The following PPIL4 variants were observed in gnomAD, a reference collection of about 807,000 sequenced individuals.
PPIL4 encodes peptidyl-prolyl cis-trans isomerase-like 4.
PPIL4 carries 50 observed loss-of-function variants against 69.1 expected under a neutral mutation model. The observed-to-expected ratio is 0.72, with a 90% CI of 0.58 to 0.92. The LOEUF (loss-of-function observed/expected upper bound fraction) is 0.92. PPIL4 is among the 40% of genes least tolerant of loss of function. The probability of loss-of-function intolerance (pLI) is 0.00; values close to 1 mark genes in which losing one functional copy is unlikely to be tolerated. For missense variants in PPIL4, 480 were observed against 587.9 expected (o/e 0.82, Z 1.90); for synonymous variants, 193 against 191.6 (o/e 1.01, Z -0.06).
At chr6:149,531,628 T>C (rs1327704568) in intron 7 of PPIL4, among the ~76,000 whole-genome samples, 1 of 152,030 alleles carries the variant, frequency 6.6e-6, no homozygotes, top group Non-Finnish European at 1.5e-5. Flanking sequence ...TTATAAAAGA[T>C]ATTATTAGAA....
chr6:149,532,492 G>C (rs1583210633), intron 7 of PPIL4, among the ~76,000 whole-genome samples: 1 of 152,308 alleles, frequency 6.6e-6, no homozygotes, highest in African/African-American at 2.4e-5. Flanking sequence ...AATACTCTGA[G>C]ATACACAGTG....
intron 1 of PPIL4, among the ~76,000 whole-genome samples, chr6:149,544,242 G>T (rs1375852304): frequency 6.6e-6 from 1 of 152,148 alleles, no homozygotes; most frequent in Non-Finnish European, 1.5e-5. Context: ...AATTCCCTAT[G>T]ATATTCTTTG....
At chr6:149,518,427 T>C (rs1157499138) in intron 10 of PPIL4, among the ~76,000 whole-genome samples, 5 of 152,182 alleles carry the variant, frequency 3.3e-5, no homozygotes, top group Non-Finnish European at 5.9e-5. Flanking sequence ...AAAGGCTTCC[T>C]ACAGAAGGGT....
chr6:149,515,311 G>A lies in PPIL4; in HGVS notation c.1079+2043C>T, dbSNP rs553046181. Among the ~76,000 whole-genome samples, 11 of 149,936 alleles carry A rather than the reference G, an allele frequency of 7.3e-5. No homozygotes were observed. The South Asian group carries it at 8.3e-4, about 11-fold the overall frequency. ...CTATTTCTTAAATGATGGATCATACGAAAGAAGACAGCACTCCCATGAGCC... is the reference window on the plus strand; with the variant it reads ...CTATTTCTTAAATGATGGATCATACAAAAGAAGACAGCACTCCCATGAGCC... On this transcript the variant is annotated intron_variant, in intron 11 of 12. Transcript: ENST00000253329.
intron 4 of PPIL4, among the ~76,000 whole-genome samples, chr6:149,536,224 A>G (rs1777273240): frequency 1.3e-5 from 2 of 152,192 alleles, no homozygotes. Context: ...AGCCATTCCC[A>G]TCTTTCTCCC....
At chr6:149,536,256 G>A (rs1188420737) in intron 4 of PPIL4, among the ~76,000 whole-genome samples, 3 of 151,920 alleles carry the variant, frequency 2.0e-5, no homozygotes, top group Non-Finnish European at 2.9e-5. Context: ...CCTATTCCCC[G>A]AGACACAATA....
At chr6:149,515,992 A>T (rs1310028169) in intron 11 of PPIL4, among the ~76,000 whole-genome samples, 2 of 152,198 alleles carry the variant, frequency 1.3e-5, no homozygotes, top group African/African-American at 4.8e-5. Flanking sequence ...ATTTATCTGC[A>T]CATCAGACTA....
At chr6:149,535,777 T>C in intron 4 of PPIL4, 39 bp from the exon 5 acceptor site, 1 of 1,430,556 alleles carries the variant, frequency 7.0e-7, no homozygotes, top group Non-Finnish European at 9.6e-7. Flanking sequence ...ATAAAAATAA[T>C]ACATAACTCA....
At chr6:149,517,601 T>C (rs554185424) in intron 10 of PPIL4, 151 bp from the exon 11 acceptor site, 70 of 496,858 alleles carry the variant, frequency 1.4e-4, no homozygotes, top group African/African-American at 1.0e-3. Flanking sequence ...TAATTCCATC[T>C]CCATTACTAA....
chr6:149,535,497 A>G, intron 5 of PPIL4, 99 bp downstream of exon 5: 2 of 719,180 alleles, frequency 2.8e-6, no homozygotes, highest in Non-Finnish European at 4.3e-6. Context: ...TTATCCAGAA[A>G]CCAGTCCTAT....
At chr6:149,536,757 A>G (rs1777283035) in intron 4 of PPIL4, among the ~76,000 whole-genome samples, 1 of 151,938 alleles carries the variant, frequency 6.6e-6, no homozygotes, top group African/African-American at 2.4e-5. Flanking sequence ...AAAAAAAAGA[A>G]AAGAAAAATT....
intron 4 of PPIL4, among the ~76,000 whole-genome samples, chr6:149,538,587 T>G (rs1347155407): frequency 6.6e-6 from 1 of 152,214 alleles, no homozygotes; most frequent in Non-Finnish European, 1.5e-5. Flanking sequence ...TAGATGTCAT[T>G]AAGAACATTC....
intron 4 of PPIL4, among the ~76,000 whole-genome samples, chr6:149,536,581 C>T (rs1777279638): frequency 6.6e-6 from 1 of 152,066 alleles, no homozygotes; most frequent in African/African-American, 2.4e-5. Flanking sequence ...CCACAACGAT[C>T]CCTTAAGCCA....
At chr6:149,527,895 A>T (rs985261839) in intron 7 of PPIL4, among the ~76,000 whole-genome samples, 27 of 152,220 alleles carry the variant, frequency 1.8e-4, no homozygotes, top group African/African-American at 6.3e-4. Context: ...AACAGTAAGA[A>T]GCAACACAGC....
intron 10 of PPIL4, among the ~76,000 whole-genome samples, chr6:149,520,649 G>C (rs1262131255): frequency 6.6e-6 from 1 of 151,978 alleles, no homozygotes; most frequent in Non-Finnish European, 1.5e-5. Context: ...ACAAATGGCA[G>C]GAGTTACATC....
Position 149,504,689 on chromosome 6 carries a change from A to G in PPIL4, c.*764T>C, listed in dbSNP as rs992600591. The G allele has an allele frequency of 6.6e-6, 1 of 152,218 alleles. No individual in the cohort carries two copies. The highest frequency in any genetic ancestry group is 2.4e-5 in the African/African-American group (1 of 41,454). The allele number at this position is 152,218 out of a possible 1,614,324, so 9.4% of individuals were successfully genotyped here. On this transcript the variant is annotated 3_prime_UTR_variant, in exon 13 of 13. Coordinates refer to ENST00000253329, the MANE Select transcript of PPIL4 (RefSeq NM_139126.4). ...AAGTGTTGGAGATGCTATGAAACAA[A>G]GGTAACTCACAGTGCCAAGAGAGGT...
chr6:149,536,492 T>A (rs1777277410), intron 4 of PPIL4, among the ~76,000 whole-genome samples: 1 of 152,056 alleles, frequency 6.6e-6, no homozygotes, highest in Admixed American at 6.5e-5. Context: ...GCTATTCCAG[T>A]GAACACATGA....
At chr6:149,519,517 A>C (rs1321605645) in intron 10 of PPIL4, among the ~76,000 whole-genome samples, 1 of 152,238 alleles carries the variant, frequency 6.6e-6, no homozygotes, top group Non-Finnish European at 1.5e-5. Context: ...GGTTTCACAA[A>C]TCACTCAAAC....
chr6:149,542,735 G>C (rs1004468042), intron 1 of PPIL4, among the ~76,000 whole-genome samples: 8 of 152,220 alleles, frequency 5.3e-5, no homozygotes, highest in African/African-American at 1.9e-4. Context: ...GGAAGGTTAA[G>C]GCAAGCATTA....
Sources: allele counts gnomAD v4.1 joint callset (sites outside exome capture counted in the v4.1 genomes callset), GRCh38; gene constraint gnomAD v4.1.1; transcripts MANE v1.5; gene names NCBI Gene and HGNC (gene_info 2026-07-23, HGNC 2026-07-21).